The following FPGS variants were observed in gnomAD, a reference collection of about 807,000 sequenced individuals.
The protein encoded by FPGS is folylpolyglutamate synthase.
Under a neutral mutation model 66.5 loss-of-function variants are expected in FPGS, and 53 were observed. The observed-to-expected ratio is 0.80, with a 90% confidence interval of 0.64 to 1.00. FPGS has a LOEUF of 1.00. Ranked by LOEUF, FPGS falls within the 50% of genes least tolerant of loss-of-function variation. The pLI is 0.00. For missense variants in FPGS, 702 were observed against 807.7 expected (o/e 0.87, Z 1.59); for synonymous variants, 348 against 350.9 (o/e 0.99, Z 0.09).
chr9:127,809,986 A>G (rs1829997914), intron 12 of FPGS, 45 bp from the exon 13 acceptor site: 1 of 1,566,718 alleles, frequency 6.4e-7, no homozygotes, highest in African/African-American at 1.4e-5. Context: ...TACCGCAGGG[A>G]GAACGGGCGG....
chr9:127,804,450 C>T (rs1054426077), intron 2 of FPGS, 37 bp downstream of exon 2: 5 of 1,613,814 alleles, frequency 3.1e-6, no homozygotes, highest in African/African-American at 1.3e-5. Flanking sequence ...CTCCCACCCC[C>T]ATTTGTGATT....
Position 127,804,719 on chromosome 9 carries a change from ATGTGG to A in FPGS, c.386+23_386+27del. 6.2e-7 allele frequency: 1 copy of A among 1,611,228 alleles called. No individual in the cohort carries two copies. Among genetic ancestry groups the A allele is most frequent in the Non-Finnish European group, 8.5e-7 (1 of 1,179,154 alleles). Reference sequence around the variant, plus strand: ...TCTTTAGGTACTGGCTTGTGGGGGGATGTGGTGTCTGTGTCCCAATGGACCCTGGG... The same window carrying A: ...TCTTTAGGTACTGGCTTGTGGGGGGATGTCTGTGTCCCAATGGACCCTGGG... On this transcript the variant is annotated intron_variant, in intron 4 of 14. Transcript: ENST00000373247.
chr9:127,809,868 GGCCCACGAGGAGGGGCGGGATCTT>G, intron 12 of FPGS, 34 bp downstream of exon 12: 1 of 1,341,030 alleles, frequency 7.5e-7, no homozygotes, highest in Non-Finnish European at 9.9e-7. Context: ...GGCCGGGGCT[GGCCCACGAGGAGGGGCGGGATCTT>G]GGGGAAGGGC....
At position 127,803,898 on chromosome 9, in the gene FPGS, A is replaced by G. The variant is rs138946699; in HGVS notation, c.139-387A>G. On this transcript the variant is annotated intron_variant, in intron 1 of 14. Coordinates refer to ENST00000373247, the MANE Select transcript of FPGS (RefSeq NM_004957.6). ...AGCTTCGGGGAACTCCAGAATTCGA[A>G]TACCCCAGCCTTCTGTAGTTCTGGC... 3.3e-5 allele frequency among the ~76,000 whole-genome samples: 5 copies of G among 152,214 alleles called. 1 individual carries two copies. Among genetic ancestry groups the G allele is most frequent in the African/African-American group, 1.2e-4 (5 of 41,528 alleles).
Position 127,803,037 on chromosome 9 carries a change from C to T in FPGS, c.113C>T (p.Pro38Leu), listed in dbSNP as rs1241909400. The T allele has an allele frequency of 6.9e-7, 1 of 1,440,818 alleles. No individual in the cohort carries two copies. Among genetic ancestry groups the T allele is most frequent in the Middle Eastern group, 2.5e-4 (1 of 4,050 alleles). 89.3% of individuals were successfully genotyped at this position (1,440,818 alleles called of 1,614,324 possible). ...ARRGLSAWPV[P>L]QEPSMEYQDA... ...CGGGGCTTGAGCGCGTGGCCGGTGCCGCAGGAGCCGAGCATGGAGTACCAG... is the reference window on the plus strand; with the variant it reads ...CGGGGCTTGAGCGCGTGGCCGGTGCTGCAGGAGCCGAGCATGGAGTACCAG... The change falls in exon 1 of 15, where the codon CCG becomes CTG. Residue 38 changes from proline to leucine, a missense_variant. Transcript: ENST00000373247.
chr9:127,813,983 G>A lies in FPGS; in HGVS notation c.*379G>A, dbSNP rs1428073963. The A allele has an allele frequency of 1.0e-5, 11 of 1,053,852 alleles. No homozygotes were observed. Among genetic ancestry groups the A allele is most frequent in the Non-Finnish European group, 1.3e-5 (11 of 875,246 alleles). 65.3% of individuals were successfully genotyped at this position (1,053,852 alleles called of 1,614,324 possible). A position where few individuals can be genotyped will look rare whatever the true frequency, so the allele number is the denominator to read the frequency against. On this transcript the variant is annotated 3_prime_UTR_variant, in exon 15 of 15. Transcript: ENST00000373247. ...ATTTCCTCCTCCCAGTGCCTTCTGG[G>A]AAGGGAGAGGGCCTCTGCCTGGGAC...
rs377414586 is a variant in FPGS, at chr9:127,807,708, G to T, written c.744+20G>T. 6.3e-4 allele frequency: 946 copies of T among 1,506,366 alleles called. No individual in the cohort carries two copies. Among genetic ancestry groups the T allele is most frequent in the Non-Finnish European group, 8.1e-4 (893 of 1,107,578 alleles). The allele number at this position is 1,506,366 out of a possible 1,614,324, so 93.3% of individuals were successfully genotyped here. On this transcript the variant is annotated intron_variant, in intron 8 of 14. Coordinates refer to ENST00000373247, the MANE Select transcript of FPGS (RefSeq NM_004957.6). The surrounding 1 kb of genome is among the most constrained non-coding windows in gnomAD (Gnocchi z 5.8). ...TTTAAGGTGACCAGGCAGACTGGGG[G>T]AAGGGAGAGACATGGAAGGCCTGGG... is the stretch of plus-strand genomic sequence containing the variant.
At position 127,804,713 on chromosome 9, in the gene FPGS, G is replaced by T. The variant is rs577637343; in HGVS notation, c.386+13G>T. On this transcript the variant is annotated intron_variant, in intron 4 of 14. Coordinates refer to ENST00000373247, the MANE Select transcript of FPGS (RefSeq NM_004957.6). The stretch of plus-strand genomic sequence containing the variant: ...CGGGATTCTTTAGGTACTGGCTTGT[G>T]GGGGGATGTGGTGTCTGTGTCCCAA... 5.4e-5 allele frequency: 87 copies of T among 1,613,552 alleles called. No homozygotes were observed. The South Asian group carries it at 8.6e-4, about 16-fold the overall frequency.
intron 1 of FPGS, among the ~76,000 whole-genome samples, chr9:127,803,963 G>A (rs1406340479): frequency 6.6e-6 from 1 of 152,228 alleles, no homozygotes; most frequent in Non-Finnish European, 1.5e-5. Flanking sequence ...GGACCCCATT[G>A]GAGAGAATGA....
intron 1 of FPGS, among the ~76,000 whole-genome samples, chr9:127,803,639 T>A (rs1330027984): frequency 6.6e-6 from 1 of 151,730 alleles, no homozygotes; most frequent in Non-Finnish European, 1.5e-5. Flanking sequence ...GTGGCACTGG[T>A]TTGATGAGGG....
chr9:127,814,091 C>T, downstream of FPGS: 1 of 986,870 alleles, frequency 1.0e-6, no homozygotes, highest in Non-Finnish European at 1.2e-6. Flanking sequence ...ACCCTTGACC[C>T]CCTGCTCCCT....
intron 14 of FPGS, 53 bp from the exon 15 acceptor site, chr9:127,813,142 T>C: frequency 6.6e-7 from 1 of 1,512,986 alleles, no homozygotes; most frequent in Non-Finnish European, 8.9e-7. Flanking sequence ...TCTCCACCCC[T>C]GTCCCTTACT....
In FPGS at chr9:127,810,990, G is replaced by T. The variant is rs763436314; in HGVS notation, c.1333G>T (p.Val445Leu). ...CGTCTTCTGCCCTAACCTGACAGAGGTGTCATCCACAGGCAACGCAGGTGA... is the reference window on the plus strand; with the variant it reads ...CGTCTTCTGCCCTAACCTGACAGAGTTGTCATCCACAGGCAACGCAGGTGA... ...YAVFCPNLTE[V>L]SSTGNADQQN... Residue 445 changes from valine (V) to leucine (L), a missense_variant, in exon 14 of 15, where the codon GTG (valine) becomes TTG (leucine). Around this residue, in one of 3 missense-constraint regions of FPGS, gnomAD observed 351 missense variants for 363.7 expected, o/e 0.97. Transcript: ENST00000373247. The T allele has an allele frequency of 6.3e-7, 1 of 1,592,338 alleles. No homozygotes were observed. The highest frequency in any genetic ancestry group is 8.6e-7 in the Non-Finnish European group (1 of 1,168,048).
At chr9:127,809,002 T>A in intron 11 of FPGS, 113 bp downstream of exon 11, 1 of 825,206 alleles carries the variant, frequency 1.2e-6, no homozygotes, top group Non-Finnish European at 1.9e-6. Flanking sequence ...CAATTTGAAG[T>A]GGTGCTTAAG....
rs1339107453 is a variant in FPGS, at chr9:127,807,766, A to G, written c.744+78A>G. The G allele has an allele frequency of 1.1e-6, 1 of 922,664 alleles. No individual in the cohort carries two copies. Among genetic ancestry groups the G allele is most frequent in the East Asian group, 2.5e-5 (1 of 39,924 alleles). 57.2% of individuals were successfully genotyped at this position (922,664 alleles called of 1,614,324 possible). On this transcript the variant is annotated intron_variant, in intron 8 of 14. Transcript: ENST00000373247. The surrounding 1 kb of genome is among the most constrained non-coding windows in gnomAD (Gnocchi z 5.8). Reference sequence around the variant, plus strand: ...GTTTTCATCCTGGCTTCACTGTGTGACTGGAACAAGTTGAGTCTCCTCTCC... The same window carrying G: ...GTTTTCATCCTGGCTTCACTGTGTGGCTGGAACAAGTTGAGTCTCCTCTCC...
chr9:127,809,993 GC>G (rs764708712), intron 12 of FPGS, 37 bp from the exon 13 acceptor site: 5 of 1,582,050 alleles, frequency 3.2e-6, no homozygotes, highest in Non-Finnish European at 4.3e-6. Context: ...GGGAGAACGG[GC>G]GGCGCCCTTT....
At chr9:127,812,710 A>G (rs572561059) in intron 14 of FPGS, among the ~76,000 whole-genome samples, 6 of 149,462 alleles carry the variant, frequency 4.0e-5, no homozygotes, top group African/African-American at 1.2e-4. Context: ...TGTTTTTTTC[A>G]GAGACGGGGT....
At position 127,809,561 on chromosome 9, in the gene FPGS, C is replaced by T. The variant is rs1564444917; in HGVS notation, c.1061-123C>T. The T allele has an allele frequency of 1.5e-5, 14 of 922,898 alleles. 1 individual carries two copies. Among genetic ancestry groups the T allele is most frequent in the South Asian group, 4.1e-5 (2 of 49,022 alleles). 57.2% of individuals were successfully genotyped at this position (922,898 alleles called of 1,614,324 possible). On this transcript the variant is annotated intron_variant, in intron 11 of 14. Coordinates refer to ENST00000373247, the MANE Select transcript of FPGS (RefSeq NM_004957.6). ...TGCTAGTAAAAAGTTCCTGGGCTGCCGGGGTCCTGAGTGTTGAGGGCGGGC... is the reference window on the plus strand; with the variant it reads ...TGCTAGTAAAAAGTTCCTGGGCTGCTGGGGTCCTGAGTGTTGAGGGCGGGC...
chr9:127,813,124 C>T (rs1412465990), intron 14 of FPGS, 71 bp from the exon 15 acceptor site: 11 of 1,499,896 alleles, frequency 7.3e-6, no homozygotes, highest in Admixed American at 4.6e-5. Flanking sequence ...ACGGTGCACC[C>T]GCCCCTTTCT....
Sources: allele counts gnomAD v4.1 joint callset (sites outside exome capture counted in the v4.1 genomes callset), GRCh38; gene constraint gnomAD v4.1.1; regional missense constraint gnomAD v4.1.1; non-coding constraint Gnocchi (gnomAD v3.1); transcripts MANE v1.5; gene names NCBI Gene and HGNC (gene_info 2026-07-23, HGNC 2026-07-21).